TMEM132C: variants seen among roughly 807,000 people sequenced by gnomAD.
TMEM132C encodes transmembrane protein 132C, also known as protein phosphatase 1, regulatory subunit 152.
TMEM132C carries 29 observed loss-of-function variants against 61.4 expected under a neutral mutation model. The ratio of observed to expected loss-of-function variants is 0.47; its 90% CI spans 0.35 to 0.64. The LOEUF is 0.64. Among genes scored for constraint, TMEM132C ranks in the 30% least tolerant of loss-of-function variants. The pLI is 0.00. For synonymous variants in TMEM132C, 656 were observed against 633.1 expected, an observed-to-expected ratio of 1.04 and a Z score of -0.54; for missense variants, 1,408 against 1,476.9, an observed-to-expected ratio of 0.95 and a Z score of 0.76.
At chr12:128,331,813 T>C (rs1247980909) in intron 1 of TMEM132C, among the ~76,000 whole-genome samples, 2 of 152,172 alleles carry the variant, frequency 1.3e-5, no homozygotes, top group Non-Finnish European at 2.9e-5. Flanking sequence ...GATCCAATGG[T>C]AGTTCTATTT....
At chr12:128,314,806 T>C (rs901500534) in intron 1 of TMEM132C, among the ~76,000 whole-genome samples, 3 of 152,126 alleles carry the variant, frequency 2.0e-5, no homozygotes, top group Non-Finnish European at 2.9e-5. Context: ...GATTTTGGAC[T>C]TCTGGCCTCC....
At chr12:128,297,783 A>T (rs961131357) in intron 1 of TMEM132C, among the ~76,000 whole-genome samples, 1 of 152,206 alleles carries the variant, frequency 6.6e-6, no homozygotes, top group Non-Finnish European at 1.5e-5. Flanking sequence ...TTCAAAAAAA[A>T]GTTAAAACCC....
At chr12:128,293,533 C>T (rs1375522677) in intron 1 of TMEM132C, among the ~76,000 whole-genome samples, 1 of 152,126 alleles carries the variant, frequency 6.6e-6, no homozygotes, top group Non-Finnish European at 1.5e-5. Context: ...TGAATCATTT[C>T]TTCTTCAATC....
intron 3 of TMEM132C, among the ~76,000 whole-genome samples, chr12:128,587,213 A>G (rs1875580907): frequency 6.6e-6 from 1 of 152,208 alleles, no homozygotes; most frequent in African/African-American, 2.4e-5. Context: ...GGCTGTTATA[A>G]TGAAGTGCCA....
intron 2 of TMEM132C, among the ~76,000 whole-genome samples, chr12:128,468,475 G>A (rs1327545701): frequency 6.6e-6 from 1 of 151,978 alleles, no homozygotes; most frequent in Non-Finnish European, 1.5e-5. Context: ...GCACCACCAC[G>A]CCAGGCTAAT....
chr12:128,346,430 A>T (rs1207726042), intron 1 of TMEM132C, among the ~76,000 whole-genome samples: 1 of 152,132 alleles, frequency 6.6e-6, no homozygotes, highest in Non-Finnish European at 1.5e-5. Context: ...AGATTTTTCT[A>T]GTTCTGTGAA....
intron 1 of TMEM132C, among the ~76,000 whole-genome samples, chr12:128,277,420 A>G (rs1380566941): frequency 1.3e-5 from 2 of 152,176 alleles, no homozygotes; most frequent in South Asian, 2.1e-4. Context: ...AGCATACTCA[A>G]CTAAAAGAAA....
At chr12:128,648,453 A>G (rs1327627984) in intron 4 of TMEM132C, among the ~76,000 whole-genome samples, 425 of 92,554 alleles carry the variant, frequency 4.6e-3, no homozygotes, top group Middle Eastern at 0.041. Context: ...AGCGTTGGAT[A>G]TGAGTGTGTT....
At chr12:128,418,215 A>G (rs1234432154) in intron 2 of TMEM132C, among the ~76,000 whole-genome samples, 1 of 152,212 alleles carries the variant, frequency 6.6e-6, no homozygotes, top group Non-Finnish European at 1.5e-5. Flanking sequence ...ACGTGTGCAA[A>G]TGCAAGTCCT....
In TMEM132C at chr12:128,415,965, T is replaced by G. The variant is rs1176597692; in HGVS notation, c.974+345T>G. Among the ~76,000 whole-genome samples, 2 of 152,174 alleles carry G rather than the reference T, an allele frequency of 1.3e-5. No individual in the cohort carries two copies. Among genetic ancestry groups the G allele is most frequent in the Non-Finnish European group, 2.9e-5 (2 of 68,022 alleles). The stretch of plus-strand genomic sequence containing the variant: ...TCCTTTGATGAGATACCATTTGAGT[T>G]GCTTGATTGAAAGTCTACGTTCAAG... On this transcript the variant is annotated intron_variant, in intron 2 of 8. Transcript: ENST00000435159. The surrounding 1 kb of genome is among the most constrained non-coding windows in gnomAD (Gnocchi z 5.8).
chr12:128,472,729 T>C (rs1247692024), intron 2 of TMEM132C, among the ~76,000 whole-genome samples: 3 of 152,066 alleles, frequency 2.0e-5, no homozygotes, highest in Admixed American at 6.6e-5. Flanking sequence ...CATCTGGGGG[T>C]CAGCTTCGGC....
chr12:128,504,068 A>G (rs1002827146), intron 2 of TMEM132C, among the ~76,000 whole-genome samples: 1 of 152,000 alleles, frequency 6.6e-6, no homozygotes, highest in Non-Finnish European at 1.5e-5. Flanking sequence ...CTCTCACGTC[A>G]TCTCAGGGCC....
At chr12:128,321,135 G>GAAAAAA (rs150141594) in intron 1 of TMEM132C, among the ~76,000 whole-genome samples, 3,862 of 128,004 alleles carry the variant, frequency 0.03, 84 homozygotes, top group Admixed American at 0.052. Flanking sequence ...TGCCATTTTT[G>GAAAAAA]AAAAATAATA....
intron 1 of TMEM132C, among the ~76,000 whole-genome samples, chr12:128,389,019 C>A (rs1454193716): frequency 6.6e-6 from 1 of 151,910 alleles, no homozygotes; most frequent in Non-Finnish European, 1.5e-5. Flanking sequence ...TACCTTCACA[C>A]CCTGCAAGAG....
Position 128,683,970 on chromosome 12 carries a change from T to TTAAATAAATAAA in TMEM132C, c.1450-9829_1450-9818dup, listed in dbSNP as rs5741714. Reference sequence around the variant, plus strand: ...AACAAGAGCAAAACTCTGTTTGAAATTAAATAAATAAATAAATAAATAAAT... The same window carrying TTAAATAAATAAA: ...AACAAGAGCAAAACTCTGTTTGAAATTAAATAAATAAATAAATAAATAAATAAATAAATAAAT... On this transcript the variant is annotated intron_variant, in intron 5 of 8. Coordinates refer to ENST00000435159, the MANE Select transcript of TMEM132C (RefSeq NM_001136103.3). Among the ~76,000 whole-genome samples, 746 of 147,564 alleles carry TTAAATAAATAAA rather than the reference T, an allele frequency of 5.1e-3. 7 individuals carry two copies. Among genetic ancestry groups the TTAAATAAATAAA allele is most frequent in the Admixed American group, 6.6e-3 (98 of 14,790 alleles).
intron 4 of TMEM132C, among the ~76,000 whole-genome samples, chr12:128,665,173 GCA>G (rs138271807): frequency 0.014 from 1,372 of 95,794 alleles, 26 homozygotes; most frequent in African/African-American, 0.05. Context: ...ACACAAACAG[GCA>G]CACACACACA....
At chr12:128,518,095 C>T (rs745515410) in intron 2 of TMEM132C, among the ~76,000 whole-genome samples, 8 of 152,182 alleles carry the variant, frequency 5.3e-5, no homozygotes, top group African/African-American at 1.2e-4. Flanking sequence ...TTATTAGAAT[C>T]GACATCTTAT....
At chr12:128,276,359 T>G (rs1870688693) in intron 1 of TMEM132C, among the ~76,000 whole-genome samples, 1 of 152,204 alleles carries the variant, frequency 6.6e-6, no homozygotes, top group African/African-American at 2.4e-5. Flanking sequence ...AAAACAGAAC[T>G]GTGCATTCAA....
At chr12:128,646,803 G>A (rs890071111) in intron 4 of TMEM132C, among the ~76,000 whole-genome samples, 2 of 152,154 alleles carry the variant, frequency 1.3e-5, no homozygotes, top group Non-Finnish European at 2.9e-5. Flanking sequence ...CATTGGATGA[G>A]TGTGTTTACT....
Sources: allele counts gnomAD v4.1 joint callset (sites outside exome capture counted in the v4.1 genomes callset), GRCh38; gene constraint gnomAD v4.1.1; non-coding constraint Gnocchi (gnomAD v3.1); transcripts MANE v1.5; gene names NCBI Gene and HGNC (gene_info 2026-07-23, HGNC 2026-07-21).